Variants in RYR3 observed in about 807,000 individuals in gnomAD.
RYR3 encodes the protein ryanodine receptor 3.
In RYR3, 207 loss-of-function variants were observed where a neutral mutation model predicts 584.3. The observed-to-expected ratio is 0.35, with a 90% CI of 0.32 to 0.40. RYR3 has a LOEUF of 0.40. RYR3 is among the 10% of genes least tolerant of loss of function. RYR3 has a pLI of 1.00. For synonymous variants in RYR3, 2,416 were observed against 2,248.5 expected (o/e 1.07, Z -2.11); for missense variants, 5,616 against 6,089.2 (o/e 0.92, Z 2.59).
In RYR3 at chr15:33,865,340, T is replaced by TAA. The variant is rs200704038; in HGVS notation, c.*123_*124dup. The stretch of plus-strand genomic sequence containing the variant: ...TGTGACATTTTCTAAATGCCTCCCT[T>TAA]AAAAAAAAAACTGCTGAAAATCTGT... On this transcript the variant is annotated 3_prime_UTR_variant, in exon 104 of 104. Transcript: ENST00000634891. The TAA allele has an allele frequency of 2.5e-4, 155 of 619,316 alleles. No individual in the cohort carries two copies. The highest frequency in any genetic ancestry group is 8.1e-4 in the Middle Eastern group (3 of 3,698). The allele number at this position is 619,316 out of a possible 1,614,324, so 38.4% of individuals were successfully genotyped here.
intron 1 of RYR3, among the ~76,000 whole-genome samples, chr15:33,456,621 C>T (rs1239408503): frequency 6.6e-6 from 1 of 152,122 alleles, no homozygotes; most frequent in African/African-American, 2.4e-5. Context: ...TTTTCCATCC[C>T]TTATCTTGGT....
intron 3 of RYR3, among the ~76,000 whole-genome samples, chr15:33,520,524 C>G (rs1329389750): frequency 6.6e-6 from 1 of 151,870 alleles, no homozygotes; most frequent in African/African-American, 2.4e-5. Context: ...CTGACAGGCT[C>G]CTTTTATGCA....
intron 10 of RYR3, among the ~76,000 whole-genome samples, chr15:33,559,172 C>T (rs147877957): frequency 6.6e-6 from 1 of 152,076 alleles, no homozygotes; most frequent in South Asian, 2.1e-4. Flanking sequence ...CCAGATGAGT[C>T]CTTGACCATT....
At chr15:33,565,634 TTG>T (rs1428456047) in intron 11 of RYR3, among the ~76,000 whole-genome samples, 1 of 152,202 alleles carries the variant, frequency 6.6e-6, no homozygotes, top group Non-Finnish European at 1.5e-5. Flanking sequence ...GATCTACACT[TTG>T]TCTCTCTTTG....
intron 12 of RYR3, 33 bp downstream of exon 12, chr15:33,566,832 A>G: frequency 6.2e-7 from 1 of 1,612,352 alleles, no homozygotes; most frequent in Non-Finnish European, 8.5e-7. Context: ...CTACCTAGTG[A>G]GTTTGACTCT....
chr15:33,709,708 T>C (rs1044081849), intron 43 of RYR3, among the ~76,000 whole-genome samples: 1 of 152,196 alleles, frequency 6.6e-6, no homozygotes, highest in South Asian at 2.1e-4. Context: ...ATCTTGGACT[T>C]CTCAGCCTCC....
chr15:33,803,754 A>G (rs922707361), intron 69 of RYR3, among the ~76,000 whole-genome samples: 9 of 152,134 alleles, frequency 5.9e-5, no homozygotes, highest in South Asian at 4.2e-4. Flanking sequence ...ACCTCAAGTG[A>G]TCCACCCACC....
intron 1 of RYR3, among the ~76,000 whole-genome samples, chr15:33,472,046 C>T (rs2048976282): frequency 6.6e-6 from 1 of 152,208 alleles, no homozygotes; most frequent in Non-Finnish European, 1.5e-5. Context: ...TCTTCAGTCT[C>T]AATTAAAATG....
chr15:33,503,982 A>G (rs752099511), intron 3 of RYR3, among the ~76,000 whole-genome samples: 58 of 152,244 alleles, frequency 3.8e-4, no homozygotes, highest in Non-Finnish European at 6.9e-4. Context: ...AGCAAGGCAC[A>G]GGATGTTAAG....
intron 1 of RYR3, among the ~76,000 whole-genome samples, chr15:33,419,727 A>C (rs2141592877): frequency 6.6e-6 from 1 of 152,244 alleles, no homozygotes; most frequent in South Asian, 2.1e-4. Context: ...TTTAATTTTA[A>C]AATTCCATGG....
rs1242437090 is a variant in RYR3 at position 33,464,507 on chromosome 15, T to TATACAC, written c.52-8911_52-8910insTACACA. ...ATATATATACACATATATATATACA[T>TATACAC]ACACATACACATATATGTACATTTA... On this transcript the variant is annotated intron_variant, in intron 1 of 103. Transcript: ENST00000634891. Among the ~76,000 whole-genome samples the TATACAC allele has an allele frequency of 5.0e-3, 605 of 120,940 alleles. 22 individuals carry two copies. The highest frequency in any genetic ancestry group is 0.011 in the South Asian group (42 of 3,830). The allele number at this position is 120,940 out of a possible 152,430, so 79.3% of individuals were successfully genotyped here. A position where few individuals can be genotyped will look rare whatever the true frequency, so the allele number is the denominator to read the frequency against.
chr15:33,359,732 C>A (rs1974490528), intron 1 of RYR3, among the ~76,000 whole-genome samples: 1 of 152,050 alleles, frequency 6.6e-6, no homozygotes, highest in Non-Finnish European at 1.5e-5. Context: ...CATTCTCCTG[C>A]CTCAGCCTCC....
Position 33,663,518 on chromosome 15 carries a change from T to C in RYR3, c.5419-19T>C, listed in dbSNP as rs1305911391. 7 of 1,603,344 alleles carry C rather than the reference T, an allele frequency of 4.4e-6. No individual in the cohort carries two copies. The East Asian group carries it at 1.6e-4, about 36-fold the overall frequency. ...ACCAAAGTACACAAAGTGTTATCTATATAATACTTTCATTGCAGATGTGTG... is the reference window on the plus strand; with the variant it reads ...ACCAAAGTACACAAAGTGTTATCTACATAATACTTTCATTGCAGATGTGTG... On this transcript the variant is annotated intron_variant, in intron 35 of 103. Transcript: ENST00000634891.
At position 33,659,825 on chromosome 15, in the gene RYR3, A is replaced by C; in HGVS notation, c.4395+19A>C. ...GCTGAAGGTATTTATTTGTCCTCTC[A>C]TCTAATGGCCATGACAAGAGAAAGC... On this transcript the variant is annotated intron_variant, in intron 33 of 103. Transcript: ENST00000634891. The C allele has an allele frequency of 6.6e-7, 1 of 1,506,256 alleles. No individual in the cohort carries two copies. Among genetic ancestry groups the C allele is most frequent in the Non-Finnish European group, 9.2e-7 (1 of 1,083,128 alleles). 93.3% of individuals were successfully genotyped at this position (1,506,256 alleles called of 1,614,324 possible).
intron 38 of RYR3, among the ~76,000 whole-genome samples, chr15:33,689,234 G>C (rs1284319260): frequency 1.1e-5 from 1 of 90,598 alleles, no homozygotes; most frequent in African/African-American, 4.2e-5. Context: ...GGGTGGGGGA[G>C]GGGGGAGGGA....
chr15:33,722,223 T>C (rs576087093), intron 43 of RYR3, among the ~76,000 whole-genome samples: 39 of 152,282 alleles, frequency 2.6e-4, no homozygotes, highest in Admixed American at 5.2e-4. Context: ...CATGCCCTCA[T>C]TGAGGTAATC....
intron 16 of RYR3, among the ~76,000 whole-genome samples, chr15:33,590,247 T>C (rs935855841): frequency 3.9e-5 from 6 of 152,162 alleles, no homozygotes; most frequent in Non-Finnish European, 7.3e-5. Flanking sequence ...CTTTTGTGAT[T>C]CTTCACTTGC....
intron 70 of RYR3, among the ~76,000 whole-genome samples, chr15:33,808,590 A>G (rs1385048071): frequency 6.6e-6 from 1 of 152,208 alleles, no homozygotes; most frequent in Non-Finnish European, 1.5e-5. Context: ...ACCAGGTTCT[A>G]TGTTTTATGG....
At chr15:33,346,620 T>C (rs1972491847) in intron 1 of RYR3, among the ~76,000 whole-genome samples, 2 of 152,168 alleles carry the variant, frequency 1.3e-5, no homozygotes, top group African/African-American at 4.8e-5. Flanking sequence ...TCAAAATTCT[T>C]CAAAATGCCC....
Sources: gnomAD v4.1 joint callset for allele counts (sites outside exome capture counted in the v4.1 genomes callset) on GRCh38, gnomAD v4.1.1 for gene constraint, MANE v1.5 for transcripts, NCBI Gene and HGNC (gene_info 2026-07-23, HGNC 2026-07-21) for gene names.